RAB27B: variants seen among roughly 807,000 people sequenced by gnomAD.
RAB27B encodes the protein RAB27B, member RAS oncogene family.
RAB27B carries 15 observed loss-of-function variants against 24.6 expected under a neutral mutation model. That is an observed-to-expected ratio of 0.61 (90% CI 0.41 to 0.94). The LOEUF (loss-of-function observed/expected upper bound fraction) is 0.94. RAB27B is among the 40% of genes least tolerant of loss of function. RAB27B has a pLI of 0.00. For missense variants in RAB27B, 261 were observed against 266.8 expected (o/e 0.98, Z 0.15); for synonymous variants, 105 against 92.5 (o/e 1.14, Z -0.78).
In RAB27B at chr18:54,864,979, T is replaced by G. The variant is rs976393947; in HGVS notation, c.-19-12588T>G. On this transcript the variant is annotated intron_variant, in intron 1 of 5. Transcript: ENST00000262094. ...GAGGGATTAAATTAAATGTGTAGTG[T>G]TGTGGCATTGTTTTAAAGACTAAAT... 2.6e-5 allele frequency among the ~76,000 whole-genome samples: 4 copies of G among 152,158 alleles called. No homozygotes were observed. The East Asian group carries it at 7.7e-4, about 29-fold the overall frequency.
At chr18:54,747,286 A>C (rs1910283703) in intron 2 of RAB27B, among the ~76,000 whole-genome samples, 1 of 152,284 alleles carries the variant, frequency 6.6e-6, no homozygotes, top group South Asian at 2.1e-4. Flanking sequence ...TTGCCAGCCC[A>C]ATGTCTCACT....
chr18:54,803,710 G>C (rs768490622), intron 2 of RAB27B, among the ~76,000 whole-genome samples: 40 of 152,160 alleles, frequency 2.6e-4, no homozygotes, highest in Non-Finnish European at 4.1e-4. Flanking sequence ...GGTTCTGCTG[G>C]ACTGGCAGTA....
chr18:54,837,607 A>G (rs1910946561), intron 1 of RAB27B, among the ~76,000 whole-genome samples: 2 of 152,084 alleles, frequency 1.3e-5, no homozygotes, highest in Admixed American at 1.3e-4. Context: ...TCCAAAATCT[A>G]TGAGACCAAA....
chr18:54,771,795 GT>G (rs1294690841), intron 2 of RAB27B, among the ~76,000 whole-genome samples: 1 of 152,106 alleles, frequency 6.6e-6, no homozygotes, highest in Non-Finnish European at 1.5e-5. Context: ...TCTTCACTCA[GT>G]TTTTCCAAAA....
At chr18:54,740,310 T>G (rs1910034337) in intron 2 of RAB27B, among the ~76,000 whole-genome samples, 1 of 152,234 alleles carries the variant, frequency 6.6e-6, no homozygotes, top group Non-Finnish European at 1.5e-5. Flanking sequence ...ACCCCTTAGA[T>G]GTCTAAATAG....
At chr18:54,820,902 G>C (rs1218879562) in intron 2 of RAB27B, among the ~76,000 whole-genome samples, 1 of 90,810 alleles carries the variant, frequency 1.1e-5, no homozygotes, top group Non-Finnish European at 2.5e-5. Context: ...GGTTTTGTCA[G>C]GTTTGTCAAA....
At chr18:54,724,756 C>T (rs1235781707) in intron 2 of RAB27B, among the ~76,000 whole-genome samples, 1 of 151,466 alleles carries the variant, frequency 6.6e-6, no homozygotes, top group African/African-American at 2.4e-5. Flanking sequence ...GATTCTGTTT[C>T]CAGTTCTGGG....
chr18:54,833,226 C>CTTTA (rs763066323), intron 1 of RAB27B, among the ~76,000 whole-genome samples: 1 of 100,026 alleles, frequency 1.0e-5, no homozygotes. Flanking sequence ...TTCTTTTTTT[C>CTTTA]TTTCTTTCTT....
At chr18:54,838,730 C>T (rs1441419631) in intron 1 of RAB27B, among the ~76,000 whole-genome samples, 3 of 152,072 alleles carry the variant, frequency 2.0e-5, no homozygotes, top group Non-Finnish European at 2.9e-5. Flanking sequence ...ATGACTCTTA[C>T]GAGTTAGACA....
chr18:54,774,878 G>A (rs979159414), intron 2 of RAB27B, among the ~76,000 whole-genome samples: 2 of 152,154 alleles, frequency 1.3e-5, no homozygotes, highest in Non-Finnish European at 2.9e-5. Context: ...CCCCTCACGG[G>A]ATCAGAGGCT....
chr18:54,808,095 A>G (rs932980942), intron 2 of RAB27B, among the ~76,000 whole-genome samples: 9 of 152,226 alleles, frequency 5.9e-5, no homozygotes, highest in Admixed American at 5.9e-4. Flanking sequence ...AACTAGTTAC[A>G]TATTATATAA....
At chr18:54,742,632 A>T in intron 2 of RAB27B, among the ~76,000 whole-genome samples, 1 of 152,312 alleles carries the variant, frequency 6.6e-6, no homozygotes, top group Non-Finnish European at 1.5e-5. Flanking sequence ...TTATGAGAAC[A>T]AGTGCCCTGA....
At chr18:54,845,148 T>C (rs1338846246) in intron 1 of RAB27B, among the ~76,000 whole-genome samples, 2 of 152,170 alleles carry the variant, frequency 1.3e-5, no homozygotes, top group African/African-American at 4.8e-5. Context: ...GGCTCATGCC[T>C]GTAATCCCAG....
At chr18:54,784,407 A>G (rs1304740303) in intron 2 of RAB27B, among the ~76,000 whole-genome samples, 2 of 152,186 alleles carry the variant, frequency 1.3e-5, no homozygotes, top group Admixed American at 1.3e-4. Flanking sequence ...CCCAGGAAGC[A>G]AACATTGTAC....
intron 2 of RAB27B, among the ~76,000 whole-genome samples, chr18:54,749,321 C>T (rs1261076988): frequency 6.6e-6 from 1 of 152,110 alleles, no homozygotes; most frequent in Non-Finnish European, 1.5e-5. Flanking sequence ...TATGGCCTTT[C>T]CATTTTCAAA....
chr18:54,860,866 C>T (rs1911982939), intron 1 of RAB27B, among the ~76,000 whole-genome samples: 1 of 152,156 alleles, frequency 6.6e-6, no homozygotes, highest in South Asian at 2.1e-4. Flanking sequence ...CTCCATTTTC[C>T]AGTATTTATT....
chr18:54,862,626 G>T (rs1236682348), intron 1 of RAB27B, among the ~76,000 whole-genome samples: 1 of 152,132 alleles, frequency 6.6e-6, no homozygotes, highest in South Asian at 2.1e-4. Flanking sequence ...AGACCTACCT[G>T]CCTGAAGACA....
At chr18:54,796,378 G>A (rs1909418904) in intron 2 of RAB27B, among the ~76,000 whole-genome samples, 1 of 152,244 alleles carries the variant, frequency 6.6e-6, no homozygotes, top group Non-Finnish European at 1.5e-5. Flanking sequence ...GGACCAGTAT[G>A]ACAGCTGTCT....
intron 2 of RAB27B, among the ~76,000 whole-genome samples, chr18:54,720,466 A>G (rs1002872784): frequency 7.2e-5 from 11 of 152,204 alleles, no homozygotes; most frequent in Middle Eastern, 3.4e-3. Flanking sequence ...GACAGACAAT[A>G]TTCCCTAACA....
Sources: allele counts gnomAD v4.1 joint callset (sites outside exome capture counted in the v4.1 genomes callset), GRCh38; gene constraint gnomAD v4.1.1; transcripts MANE v1.5; gene names NCBI Gene and HGNC (gene_info 2026-07-23, HGNC 2026-07-21).